The following TUBGCP3 variants were observed in gnomAD, a reference collection of about 807,000 sequenced individuals.
The protein encoded by TUBGCP3 is tubulin gamma complex component 3, also known as gamma-tubulin complex component 3.
In TUBGCP3, 50 loss-of-function variants were observed where a neutral mutation model predicts 123.1. That is an observed-to-expected ratio of 0.41 (90% CI 0.32 to 0.51). The LOEUF is 0.51. Among genes scored for constraint, TUBGCP3 ranks in the 20% least tolerant of loss-of-function variants. The pLI, the probability that TUBGCP3 is intolerant of heterozygous loss-of-function variation, is 0.36. For missense variants in TUBGCP3, 882 were observed against 1,127.0 expected, an observed-to-expected ratio of 0.78 and a Z score of 3.11; for synonymous variants, 405 against 413.9, an observed-to-expected ratio of 0.98 and a Z score of 0.26.
intron 21 of TUBGCP3, among the ~76,000 whole-genome samples, chr13:112,487,490 T>C (rs1008220239): frequency 1.3e-5 from 2 of 152,222 alleles, no homozygotes; most frequent in African/African-American, 2.4e-5. Flanking sequence ...AAGAACATCG[T>C]TGTCTCAGAA....
At chr13:112,592,463 T>A (rs531558906), upstream of TUBGCP3, among the ~76,000 whole-genome samples, 1 of 152,196 alleles carries the variant, frequency 6.6e-6, no homozygotes, top group South Asian at 2.1e-4. The surrounding 1 kb of genome is among the most constrained non-coding windows in gnomAD (Gnocchi z 4.1). Context: ...GGTGTTTCAT[T>A]TTCCCCCACG....
Position 112,526,994 on chromosome 13 carries a change from A to C in TUBGCP3, c.1503T>G (p.Thr501=). 6.2e-7 allele frequency: 1 copy of C among 1,614,166 alleles called. No individual in the cohort carries two copies. Among genetic ancestry groups the C allele is most frequent in the Non-Finnish European group, 8.5e-7 (1 of 1,179,996 alleles). ...TCACAGCTATCATCTTTGTAGTGGG[A>C]GTCTGATCATGACAAACTTGGTGCA... ...NFLHQVCHDQ[T]PTTKMIAVTK... The change falls in exon 13 of 22, where the codon ACT becomes ACG. Residue 501 remains threonine (T), a synonymous_variant. Coordinates refer to ENST00000261965, the MANE Select transcript of TUBGCP3 (RefSeq NM_006322.6).
intron 20 of TUBGCP3, among the ~76,000 whole-genome samples, chr13:112,495,761 T>G (rs1257434235): frequency 6.6e-6 from 1 of 152,182 alleles, no homozygotes; most frequent in Non-Finnish European, 1.5e-5. Context: ...CTTAGATAAC[T>G]ATATTCAATT....
intron 20 of TUBGCP3, among the ~76,000 whole-genome samples, chr13:112,493,458 A>G (rs1274782019): frequency 2.8e-4 from 29 of 102,332 alleles, no homozygotes; most frequent in East Asian, 1.0e-3. Flanking sequence ...TGCCTGAGAC[A>G]CTCTAGCTTT....
At chr13:112,561,343 C>T (rs1458666690) in intron 3 of TUBGCP3, among the ~76,000 whole-genome samples, 5 of 152,210 alleles carry the variant, frequency 3.3e-5, no homozygotes, top group African/African-American at 1.2e-4. Flanking sequence ...TTAGCTCTTT[C>T]CACACATTAA....
intron 21 of TUBGCP3, among the ~76,000 whole-genome samples, chr13:112,487,069 G>C (rs915553001): frequency 6.1e-5 from 9 of 147,106 alleles, no homozygotes; most frequent in Non-Finnish European, 1.2e-4. Context: ...GTGTGTGTGT[G>C]TGTGTGTGTG....
intron 20 of TUBGCP3, among the ~76,000 whole-genome samples, chr13:112,497,020 C>A (rs542604433): frequency 2.6e-5 from 4 of 151,114 alleles, no homozygotes; most frequent in African/African-American, 9.7e-5. Flanking sequence ...TGATTTTGGT[C>A]GATTTTGAGA....
chr13:112,569,264 A>G lies in TUBGCP3; in HGVS notation c.77-5T>C. On this transcript the variant is annotated splice_region_variant and splice_polypyrimidine_tract_variant and intron_variant, in intron 1 of 21. Transcript: ENST00000261965. ...GGAACTGCTGGGCTACATCAGCTGAAAGACAAACAAAAGGATGCGGATTGT... is the reference window on the plus strand; with the variant it reads ...GGAACTGCTGGGCTACATCAGCTGAGAGACAAACAAAAGGATGCGGATTGT... The G allele has an allele frequency of 6.2e-7, 1 of 1,613,996 alleles. No homozygotes were observed. Among genetic ancestry groups the G allele is most frequent in the Non-Finnish European group, 8.5e-7 (1 of 1,179,946 alleles).
At chr13:112,491,680 C>T (rs958491620) in intron 20 of TUBGCP3, among the ~76,000 whole-genome samples, 1 of 152,216 alleles carries the variant, frequency 6.6e-6, no homozygotes, top group African/African-American at 2.4e-5. Flanking sequence ...AGAACGGGGT[C>T]TTGCTATATT....
the TUBGCP3 span, among the ~76,000 whole-genome samples, chr13:112,598,861 G>C: frequency 3.3e-5 from 5 of 151,016 alleles, no homozygotes; most frequent in Non-Finnish European, 5.9e-5. Flanking sequence ...CAGGAGAATC[G>C]CTTGAACCTG....
intron 14 of TUBGCP3, chr13:112,521,609 C>A (rs570092928): frequency 3.1e-6 from 3 of 954,276 alleles, no homozygotes; most frequent in African/African-American, 3.5e-5. Flanking sequence ...GGAGCACTGG[C>A]AGGGTTTAAA....
chr13:112,561,178 T>TA (rs1163096503), intron 3 of TUBGCP3, among the ~76,000 whole-genome samples: 2 of 152,150 alleles, frequency 1.3e-5, no homozygotes, highest in Non-Finnish European at 2.9e-5. Context: ...AGACCGCTGT[T>TA]ATCTGGAGGG....
chr13:112,505,683 A>G (rs1881246714), intron 17 of TUBGCP3, among the ~76,000 whole-genome samples: 1 of 152,254 alleles, frequency 6.6e-6, no homozygotes, highest in South Asian at 2.1e-4. Flanking sequence ...GAAAAGTGGG[A>G]GAGGAGGAGA....
In TUBGCP3 at chr13:112,508,877, C is replaced by A. The variant is rs559287011; in HGVS notation, c.2087-4163G>T. 5.1e-4 allele frequency among the ~76,000 whole-genome samples: 78 copies of A among 152,230 alleles called. No homozygotes were observed. Among genetic ancestry groups the A allele is most frequent in the African/African-American group, 1.7e-3 (70 of 41,532 alleles). ...GTCCTGCTGGCGCCACAGCCCAAGC[C>A]TCCCTCAAATCCATTCCCTTCCCTC... On this transcript the variant is annotated intron_variant, in intron 17 of 21. Transcript: ENST00000261965. This position sits in a 1 kb window ranked among gnomAD's most constrained non-coding sequence, Gnocchi z 4.2.
chr13:112,521,362 C>T (rs982975482), intron 14 of TUBGCP3, among the ~76,000 whole-genome samples: 26 of 152,226 alleles, frequency 1.7e-4, no homozygotes, highest in African/African-American at 6.3e-4. Flanking sequence ...ACACGGGAGA[C>T]TGGCTTCTGG....
chr13:112,592,600 G>T (rs1452888101), upstream of TUBGCP3, among the ~76,000 whole-genome samples: 2 of 152,222 alleles, frequency 1.3e-5, no homozygotes, highest in African/African-American at 4.8e-5. The surrounding 1 kb of genome is among the most constrained non-coding windows in gnomAD (Gnocchi z 4.1). Context: ...AGAGAGAGAG[G>T]GAGGCAGCTG....
chr13:112,593,674 A>C, the TUBGCP3 span, among the ~76,000 whole-genome samples: 1 of 152,140 alleles, frequency 6.6e-6, no homozygotes, highest in East Asian at 1.9e-4. Flanking sequence ...CTCCATCTCA[A>C]AAAAAAGAAA....
At chr13:112,529,732 A>T (rs1877423806) in intron 11 of TUBGCP3, among the ~76,000 whole-genome samples, 1 of 152,214 alleles carries the variant, frequency 6.6e-6, no homozygotes, top group Non-Finnish European at 1.5e-5. Flanking sequence ...TGACCTCAGC[A>T]CTTGGCAGTA....
intron 3 of TUBGCP3, among the ~76,000 whole-genome samples, chr13:112,560,024 C>T (rs567548018): frequency 6.6e-6 from 1 of 151,920 alleles, no homozygotes; most frequent in South Asian, 2.1e-4. Flanking sequence ...GTCCCAGCTA[C>T]TCGGGAGGCT....
Sources: allele counts gnomAD v4.1 joint callset (sites outside exome capture counted in the v4.1 genomes callset), GRCh38; gene constraint gnomAD v4.1.1; non-coding constraint Gnocchi (gnomAD v3.1); transcripts MANE v1.5; gene names NCBI Gene and HGNC (gene_info 2026-07-23, HGNC 2026-07-21).